The following TMEM39B variants were observed in gnomAD, a reference collection of about 807,000 sequenced individuals.
The protein encoded by TMEM39B is transmembrane protein 39B.
In TMEM39B, 23 loss-of-function variants were observed where a neutral mutation model predicts 52.2. That is an observed-to-expected ratio of 0.44 (90% CI 0.32 to 0.62). The LOEUF (loss-of-function observed/expected upper bound fraction) is 0.62. Among genes scored for constraint, TMEM39B ranks in the 20% least tolerant of loss-of-function variants. The pLI, the probability that TMEM39B is intolerant of heterozygous loss-of-function variation, is 0.06. For missense variants in TMEM39B, 547 were observed against 642.0 expected, an observed-to-expected ratio of 0.85 and a Z score of 1.60; for synonymous variants, 285 against 264.0, an observed-to-expected ratio of 1.08 and a Z score of -0.77.
At chr1:32,092,631 T>C (rs768093470) in intron 6 of TMEM39B, among the ~76,000 whole-genome samples, 1 of 151,712 alleles carries the variant, frequency 6.6e-6, no homozygotes, top group Non-Finnish European at 1.5e-5. Context: ...GCTGGGATCA[T>C]AGACATGTGC....
chr1:32,073,137 A>G, intron 1 of TMEM39B, 86 bp downstream of exon 1: 3 of 1,354,526 alleles, frequency 2.2e-6, no homozygotes, highest in Non-Finnish European at 1.9e-6. Flanking sequence ...CTCCACGCGG[A>G]CAGGAGCCCG....
At chr1:32,079,948 T>C (rs1223323728) in intron 5 of TMEM39B, among the ~76,000 whole-genome samples, 3 of 151,948 alleles carry the variant, frequency 2.0e-5, no homozygotes, top group Non-Finnish European at 4.4e-5. Context: ...TTTGTATTTC[T>C]AGTAGAGATG....
rs138147582 is a variant in TMEM39B at position 32,100,763 on chromosome 1, C to T, written c.1236+201C>T. The T allele has an allele frequency of 7.8e-4, 505 of 644,884 alleles. 5 individuals are homozygous for T. The highest frequency in any genetic ancestry group is 5.6e-3 in the South Asian group (305 of 54,342). 39.9% of individuals were successfully genotyped at this position (644,884 alleles called of 1,614,324 possible). On this transcript the variant is annotated intron_variant, in intron 8 of 8. Transcript: ENST00000336294. ...CAGCTCGGCCGGGCATGGTGGCTCA[C>T]GCCTGTAATCCCAGCACTTTGGGAG...
rs61739651 is a variant in TMEM39B at position 32,091,954 on chromosome 1, C to T, written c.870C>T (p.Leu290=). 1.4e-4 allele frequency: 218 copies of T among 1,614,144 alleles called. 1 individual carries two copies. In the African/African-American group the frequency reaches 2.5e-3, roughly 18 times the overall value. ...TCAACTGGCGCATGAAGGAAGTGCT[C>T]GTCAGCTCCATGCTGAGCGCCTACT... ...MDFNWRMKEV[L]VSSMLSAYYV... The change falls in exon 6 of 9, where the codon CTC becomes CTT. Residue 290 remains leucine, a synonymous_variant. Transcript: ENST00000336294.
intron 5 of TMEM39B, among the ~76,000 whole-genome samples, chr1:32,083,719 G>A (rs549188404): frequency 3.9e-4 from 60 of 152,182 alleles, no homozygotes; most frequent in Middle Eastern, 3.4e-3. Context: ...ACCGTGCCCA[G>A]CCTTAAAGGA....
At chr1:32,074,928 C>G in intron 1 of TMEM39B, 23 bp from the exon 2 acceptor site, 3 of 1,542,648 alleles carry the variant, frequency 1.9e-6, no homozygotes, top group Non-Finnish European at 2.6e-6. Flanking sequence ...GCTTGAGGCT[C>G]TATTTTATGT....
intron 3 of TMEM39B, chr1:32,076,095 CTT>C (rs1639847126): frequency 2.5e-5 from 4 of 160,562 alleles, no homozygotes; most frequent in South Asian, 1.9e-4. Flanking sequence ...CTTTTCTTTT[CTT>C]TTCTTCTTTT....
intron 1 of TMEM39B, chr1:32,073,265 A>C (rs1181924141): frequency 1.2e-5 from 7 of 575,646 alleles, no homozygotes; most frequent in African/African-American, 2.0e-5. Flanking sequence ...GGCTTCTAAG[A>C]CGAAGCCCTG....
chr1:32,074,298 T>C lies in TMEM39B; in HGVS notation c.5-653T>C, dbSNP rs191473377. On this transcript the variant is annotated intron_variant, in intron 1 of 8. Coordinates refer to ENST00000336294, the MANE Select transcript of TMEM39B (RefSeq NM_018056.4). ...GCTGTCCCAAAGTTACCCAGAGTTA[T>C]AGGCCTCCAGAAACTTATGTCTGAA... 1.7e-3 allele frequency among the ~76,000 whole-genome samples: 253 copies of C among 152,230 alleles called. 2 individuals are homozygous for C. Among genetic ancestry groups the C allele is most frequent in the Middle Eastern group, 3.4e-3 (1 of 294 alleles).
At chr1:32,072,827 G>A (rs1475117470), upstream of TMEM39B, 1 of 560,020 alleles carries the variant, frequency 1.8e-6, no homozygotes, top group Non-Finnish European at 3.1e-6. Context: ...GGGACCGAGA[G>A]ACAAAGAGCG....
chr1:32,086,141 G>A (rs1406415858), intron 5 of TMEM39B, among the ~76,000 whole-genome samples: 1 of 152,118 alleles, frequency 6.6e-6, no homozygotes. Context: ...GAATCCTTCA[G>A]GGTGTGTTGT....
At chr1:32,093,206 C>T (rs10914527) in intron 6 of TMEM39B, among the ~76,000 whole-genome samples, 1 of 151,816 alleles carries the variant, frequency 6.6e-6, no homozygotes, top group Non-Finnish European at 1.5e-5. Context: ...TCAAGCAACT[C>T]TCCTGCCTCA....
At chr1:32,099,329 G>C (rs966377925) in intron 7 of TMEM39B, among the ~76,000 whole-genome samples, 7 of 151,844 alleles carry the variant, frequency 4.6e-5, no homozygotes, top group African/African-American at 1.7e-4. Context: ...GTGGGGTGGG[G>C]TGGGGGAGGG....
At chr1:32,073,976 T>C (rs1013814536) in intron 1 of TMEM39B, 9 of 821,678 alleles carry the variant, frequency 1.1e-5, no homozygotes, top group Non-Finnish European at 1.3e-5. Flanking sequence ...CTCCAACTCC[T>C]GGTCTCAAGC....
intron 7 of TMEM39B, among the ~76,000 whole-genome samples, chr1:32,098,099 C>T (rs937561822): frequency 1.3e-4 from 19 of 151,934 alleles, no homozygotes; most frequent in Admixed American, 9.9e-4. Flanking sequence ...CGGGTTCAAG[C>T]GATTCTCCTG....
chr1:32,074,122 C>T (rs1374875812), intron 1 of TMEM39B, among the ~76,000 whole-genome samples: 1 of 152,020 alleles, frequency 6.6e-6, no homozygotes, highest in East Asian at 1.9e-4. Flanking sequence ...GGAGCTTGGG[C>T]TAGACTGCTC....
At chr1:32,076,103 C>CTTTTTTTTT (rs1178215057) in intron 3 of TMEM39B, 220 of 76,250 alleles carry the variant, frequency 2.9e-3, no homozygotes, top group East Asian at 6.3e-3. Context: ...TTCTTTTCTT[C>CTTTTTTTTT]TTTTTTTTTT....
intron 5 of TMEM39B, among the ~76,000 whole-genome samples, chr1:32,082,824 T>C (rs1223222202): frequency 6.7e-6 from 1 of 150,352 alleles, no homozygotes; most frequent in African/African-American, 2.4e-5. Context: ...GCCCAGGCTG[T>C]AGTGCAGTGG....
At chr1:32,089,040 A>G (rs6672404) in intron 5 of TMEM39B, among the ~76,000 whole-genome samples, 4,477 of 151,706 alleles carry the variant, frequency 0.03, 217 homozygotes, top group African/African-American at 0.1. Context: ...AATACAAGCT[A>G]TGTAATTTAG....
Sources: gnomAD v4.1 joint callset for allele counts (sites outside exome capture counted in the v4.1 genomes callset) on GRCh38, gnomAD v4.1.1 for gene constraint, MANE v1.5 for transcripts, NCBI Gene and HGNC (gene_info 2026-07-23, HGNC 2026-07-21) for gene names.